The following HDHD2 variants were observed in gnomAD, a reference collection of about 807,000 sequenced individuals.
HDHD2 encodes the protein haloacid dehalogenase like hydrolase domain containing 2.
Under a neutral mutation model 24.8 loss-of-function variants are expected in HDHD2, and 26 were observed. That is an observed-to-expected ratio of 1.05 (90% CI 0.77 to 1.45). The LOEUF (loss-of-function observed/expected upper bound fraction) is 1.45. Ranked by LOEUF, HDHD2 falls within the 40% of genes most tolerant of loss-of-function variation. HDHD2 has a pLI of 0.00. For synonymous variants in HDHD2, 128 were observed against 114.9 expected (o/e 1.11, Z -0.73); for missense variants, 299 against 313.4 (o/e 0.95, Z 0.35).
intron 1 of HDHD2, among the ~76,000 whole-genome samples, chr18:47,147,832 G>T (rs1246120807): frequency 6.6e-6 from 1 of 152,036 alleles, no homozygotes; most frequent in East Asian, 1.9e-4. Context: ...TGCTCTTCTG[G>T]AGCACCACAT....
intron 4 of HDHD2, among the ~76,000 whole-genome samples, chr18:47,126,123 A>C (rs1011483035): frequency 6.6e-6 from 1 of 152,166 alleles, no homozygotes; most frequent in Non-Finnish European, 1.5e-5. Context: ...CTCACCTCCA[A>C]AGTAGTATTT....
At chr18:47,138,380 C>A (rs1011528260) in intron 1 of HDHD2, among the ~76,000 whole-genome samples, 1 of 151,758 alleles carries the variant, frequency 6.6e-6, no homozygotes, top group African/African-American at 2.4e-5. Context: ...TCAGGCAATT[C>A]GAACTAAAGA....
chr18:47,115,115 T>A lies in HDHD2; in HGVS notation c.612+17A>T. On this transcript the variant is annotated intron_variant, in intron 5 of 6. Coordinates refer to ENST00000300605, the MANE Select transcript of HDHD2 (RefSeq NM_032124.5). ...CAACAGGTGAGCTGGGAGCACCTCC[T>A]GGGTTCTTCTACTTACATCTCCTAT... is the stretch of plus-strand genomic sequence containing the variant. The A allele has an allele frequency of 1.9e-6, 3 of 1,595,588 alleles. No homozygotes were observed. The highest frequency in any genetic ancestry group is 2.6e-6 in the Non-Finnish European group (3 of 1,164,596).
At chr18:47,117,840 T>C (rs969692702) in intron 4 of HDHD2, among the ~76,000 whole-genome samples, 2 of 151,922 alleles carry the variant, frequency 1.3e-5, no homozygotes, top group African/African-American at 4.8e-5. Flanking sequence ...GAAATAATTA[T>C]GCAACTTGCT....
intron 3 of HDHD2, among the ~76,000 whole-genome samples, chr18:47,132,446 G>T (rs189197609): frequency 4.1e-4 from 62 of 152,264 alleles, no homozygotes; most frequent in Admixed American, 3.9e-4. Context: ...CTATATTTTA[G>T]AGATAGATTC....
Position 47,139,870 on chromosome 18 carries a change from C to G in HDHD2, c.-10-3421G>C, listed in dbSNP as rs185551713. Among the ~76,000 whole-genome samples the G allele has an allele frequency of 4.4e-3, 669 of 152,276 alleles. 3 individuals are homozygous for G. Among genetic ancestry groups the G allele is most frequent in the African/African-American group, 0.015 (608 of 41,558 alleles). On this transcript the variant is annotated intron_variant, in intron 1 of 6. Coordinates refer to ENST00000300605, the MANE Select transcript of HDHD2 (RefSeq NM_032124.5). The stretch of plus-strand genomic sequence containing the variant: ...TGTTAGTGTGACAGCAGATGAAAAA[C>G]AGTTTGAATGTTTTCTTCCAGAATG...
Position 47,130,326 on chromosome 18 carries a change from T to C in HDHD2, c.313A>G (p.Ile105Val), listed in dbSNP as rs2063701487. 6.3e-7 allele frequency: 1 copy of C among 1,581,718 alleles called. No homozygotes were observed. The highest frequency in any genetic ancestry group is 8.6e-7 in the Non-Finnish European group (1 of 1,163,038). The change falls in exon 4 of 7, where the codon ATA (isoleucine) becomes GTA (valine). Residue 105 changes from isoleucine (I) to valine (V), a missense_variant and splice_region_variant. Coordinates refer to ENST00000300605, the MANE Select transcript of HDHD2 (RefSeq NM_032124.5). ...ACAGCATTAGGATCACTTGTTTGTA[T>C]TCCTGGGAACGGAAAAAAAAAATGA... ...DDRALPDFKG[I>V]QTSDPNAVVM...
At chr18:47,142,799 GA>G (rs2063831781) in intron 1 of HDHD2, among the ~76,000 whole-genome samples, 1 of 152,118 alleles carries the variant, frequency 6.6e-6, no homozygotes. Context: ...CCTTAGTTGG[GA>G]AAACCAAGGT....
chr18:47,121,596 G>A (rs1472987573), intron 4 of HDHD2, among the ~76,000 whole-genome samples: 2 of 152,136 alleles, frequency 1.3e-5, no homozygotes, highest in Admixed American at 6.5e-5. Flanking sequence ...TTTGAAAAGT[G>A]CAAATAGATG....
At chr18:47,131,870 T>C (rs895584894) in intron 3 of HDHD2, among the ~76,000 whole-genome samples, 2 of 152,250 alleles carry the variant, frequency 1.3e-5, no homozygotes, top group Non-Finnish European at 2.9e-5. Flanking sequence ...TACTGTACTT[T>C]AAAGTCATTT....
intron 2 of HDHD2, 115 bp downstream of exon 2, chr18:47,136,224 T>A (rs1329848978): frequency 2.3e-6 from 3 of 1,291,976 alleles, no homozygotes; most frequent in Admixed American, 4.8e-5. Flanking sequence ...GCAGTTCCTA[T>A]ATATGGTTAA....
At chr18:47,126,268 T>C (rs2063657161) in intron 4 of HDHD2, among the ~76,000 whole-genome samples, 1 of 152,204 alleles carries the variant, frequency 6.6e-6, no homozygotes. Flanking sequence ...GGGCTCTAAG[T>C]ACTTAGGAAA....
intron 1 of HDHD2, among the ~76,000 whole-genome samples, chr18:47,146,969 T>C (rs12386076): frequency 0.054 from 8,203 of 152,270 alleles, 279 homozygotes; most frequent in East Asian, 0.13. Context: ...GTGCTTTTAA[T>C]TATACTATAA....
intron 1 of HDHD2, chr18:47,148,935 A>G (rs1377489879): frequency 6.6e-6 from 1 of 152,226 alleles, no homozygotes; most frequent in Admixed American, 6.5e-5. Context: ...TCCACTCACT[A>G]GCTGGGTGAA....
At chr18:47,118,209 A>C (rs1334676029) in intron 4 of HDHD2, among the ~76,000 whole-genome samples, 1 of 152,110 alleles carries the variant, frequency 6.6e-6, no homozygotes, top group Non-Finnish European at 1.5e-5. Context: ...AATTCCTCAA[A>C]GCCCTAGAAC....
At chr18:47,138,882 C>T (rs912982816) in intron 1 of HDHD2, among the ~76,000 whole-genome samples, 1 of 152,178 alleles carries the variant, frequency 6.6e-6, no homozygotes, top group Non-Finnish European at 1.5e-5. Flanking sequence ...TCTAAACAGG[C>T]CTTACTGGGT....
At chr18:47,121,718 C>CTCTATCTAT (rs1378571301) in intron 4 of HDHD2, among the ~76,000 whole-genome samples, 11 of 152,178 alleles carry the variant, frequency 7.2e-5, no homozygotes, top group South Asian at 2.1e-4. Context: ...TATCCCCAAC[C>CTCTATCTAT]CCGCATCTCC....
At chr18:47,136,480 A>G in intron 1 of HDHD2, 31 bp from the exon 2 acceptor site, 1 of 1,587,848 alleles carries the variant, frequency 6.3e-7, no homozygotes, top group Non-Finnish European at 8.6e-7. Context: ...TTAAAAATAC[A>G]GTTTAGGAAA....
chr18:47,114,154 A>G (rs768228714), intron 5 of HDHD2, among the ~76,000 whole-genome samples: 1 of 152,240 alleles, frequency 6.6e-6, no homozygotes, highest in Non-Finnish European at 1.5e-5. Context: ...GTGTGACTCA[A>G]AAGATGGTTT....
Sources: gnomAD v4.1 joint callset for allele counts (sites outside exome capture counted in the v4.1 genomes callset) on GRCh38, gnomAD v4.1.1 for gene constraint, MANE v1.5 for transcripts, NCBI Gene and HGNC (gene_info 2026-07-23, HGNC 2026-07-21) for gene names.